CTIF: variants seen among roughly 807,000 people sequenced by gnomAD.
CTIF encodes the protein cap binding complex dependent translation initiation factor.
A neutral mutation model predicts 66.0 loss-of-function variants in CTIF; 21 were observed. That is an observed-to-expected ratio of 0.32 (90% CI 0.23 to 0.46). The LOEUF (loss-of-function observed/expected upper bound fraction) is 0.46. CTIF is among the 20% of genes least tolerant of loss of function. CTIF has a pLI of 1.00. For synonymous variants in CTIF, 345 were observed against 326.4 expected (o/e 1.06, Z -0.62); for missense variants, 739 against 812.7 (o/e 0.91, Z 1.10).
At chr18:48,729,147 T>C (rs1203467599) in intron 7 of CTIF, among the ~76,000 whole-genome samples, 5 of 152,164 alleles carry the variant, frequency 3.3e-5, no homozygotes, top group Non-Finnish European at 5.9e-5. Context: ...AGACGCTTCC[T>C]GCCTGGGGAA....
chr18:48,658,120 ATGTATG>A (rs2091274462), intron 3 of CTIF, among the ~76,000 whole-genome samples: 1 of 152,128 alleles, frequency 6.6e-6, no homozygotes, highest in African/African-American at 2.4e-5. Context: ...CAGCTGACAC[ATGTATG>A]TGTATGTGTG....
chr18:48,589,144 G>C (rs2089836416), intron 1 of CTIF, among the ~76,000 whole-genome samples: 2 of 152,192 alleles, frequency 1.3e-5, no homozygotes, highest in African/African-American at 4.8e-5. Flanking sequence ...AGTTTCCCAG[G>C]ACTATTGTCA....
At chr18:48,807,555 C>T (rs1286742269) in intron 9 of CTIF, among the ~76,000 whole-genome samples, 5 of 102,530 alleles carry the variant, frequency 4.9e-5, no homozygotes, top group African/African-American at 2.0e-4. Context: ...CTATTGTAAA[C>T]GTTTCATAAA....
At chr18:48,717,386 G>T (rs1244892912) in intron 7 of CTIF, among the ~76,000 whole-genome samples, 1 of 150,822 alleles carries the variant, frequency 6.6e-6, no homozygotes, top group African/African-American at 2.4e-5. Flanking sequence ...CAACAAGAGC[G>T]AAAATCTGTC....
At chr18:48,812,271 C>A (rs368363556) in intron 9 of CTIF, among the ~76,000 whole-genome samples, 2 of 152,144 alleles carry the variant, frequency 1.3e-5, no homozygotes, top group African/African-American at 4.8e-5. Flanking sequence ...GCTGGCCATA[C>A]TATTTTTCAT....
chr18:48,547,158 C>T (rs2088771732), intron 1 of CTIF, among the ~76,000 whole-genome samples: 1 of 152,120 alleles, frequency 6.6e-6, no homozygotes, highest in Non-Finnish European at 1.5e-5. Flanking sequence ...TTAAAAGGGC[C>T]TTGGAGACAG....
At chr18:48,827,033 C>A (rs1477779921) in intron 10 of CTIF, among the ~76,000 whole-genome samples, 2 of 151,958 alleles carry the variant, frequency 1.3e-5, no homozygotes, top group Non-Finnish European at 2.9e-5. Context: ...AGCCTTTGAG[C>A]CAAGGCGTGG....
chr18:48,636,564 C>T (rs201345215), intron 2 of CTIF, 50 bp from the exon 3 acceptor site: 147 of 1,359,272 alleles, frequency 1.1e-4, no homozygotes, highest in Non-Finnish European at 1.3e-4. Flanking sequence ...GCAGAGTGAG[C>T]ATGGGCCTGG....
At chr18:48,838,002 G>A (rs545368375) in intron 10 of CTIF, among the ~76,000 whole-genome samples, 2 of 152,164 alleles carry the variant, frequency 1.3e-5, no homozygotes, top group Non-Finnish European at 2.9e-5. Context: ...CTGAGGAAGA[G>A]AGACTTTTAA....
chr18:48,552,823 T>C (rs1599130597), intron 1 of CTIF, among the ~76,000 whole-genome samples: 1 of 152,226 alleles, frequency 6.6e-6, no homozygotes, highest in South Asian at 2.1e-4. Flanking sequence ...CAGGTTCCCC[T>C]GTAGTCCCCT....
intron 10 of CTIF, among the ~76,000 whole-genome samples, chr18:48,823,361 T>C (rs1308317628): frequency 6.6e-6 from 1 of 152,138 alleles, no homozygotes; most frequent in East Asian, 1.9e-4. Flanking sequence ...GAAATAAGAG[T>C]ATAATTTCTT....
At chr18:48,835,565 C>G (rs531646885) in intron 10 of CTIF, among the ~76,000 whole-genome samples, 1 of 152,268 alleles carries the variant, frequency 6.6e-6, no homozygotes, top group East Asian at 1.9e-4. Flanking sequence ...GATCCATGCT[C>G]CCAAGAAAGC....
At chr18:48,601,924 A>G (rs1174300184) in intron 1 of CTIF, among the ~76,000 whole-genome samples, 1 of 152,224 alleles carries the variant, frequency 6.6e-6, no homozygotes, top group Non-Finnish European at 1.5e-5. Flanking sequence ...CTCTGTGGGT[A>G]TGTTTCCTCA....
intron 1 of CTIF, among the ~76,000 whole-genome samples, chr18:48,596,795 G>A (rs2089995643): frequency 6.6e-6 from 1 of 152,122 alleles, no homozygotes; most frequent in Non-Finnish European, 1.5e-5. Context: ...TCCTTTAAAG[G>A]GTTCAGTAAC....
chr18:48,702,554 T>C (rs1411963734), intron 6 of CTIF, among the ~76,000 whole-genome samples: 3 of 152,164 alleles, frequency 2.0e-5, no homozygotes, highest in African/African-American at 7.2e-5. Flanking sequence ...AGGGCACCAA[T>C]GTGTGGCAGG....
At chr18:48,714,277 G>A (rs2092258113) in intron 7 of CTIF, among the ~76,000 whole-genome samples, 1 of 152,134 alleles carries the variant, frequency 6.6e-6, no homozygotes, top group East Asian at 1.9e-4. Context: ...CACTGGGAGG[G>A]GCTTGCATTT....
intron 9 of CTIF, among the ~76,000 whole-genome samples, chr18:48,787,196 C>A (rs541389850): frequency 1.1e-4 from 16 of 151,966 alleles, no homozygotes; most frequent in South Asian, 6.2e-4. Context: ...GCAGTCCTTA[C>A]TATTTGCGAG....
intron 1 of CTIF, among the ~76,000 whole-genome samples, chr18:48,601,841 A>G (rs1221532630): frequency 6.6e-6 from 1 of 152,220 alleles, no homozygotes; most frequent in Non-Finnish European, 1.5e-5. Context: ...GAGAAATAAA[A>G]GACATTGGCA....
At chr18:48,665,562 C>T (rs551326163) in intron 5 of CTIF, among the ~76,000 whole-genome samples, 16 of 152,294 alleles carry the variant, frequency 1.1e-4, no homozygotes, top group Admixed American at 7.8e-4. Context: ...TGTGCAACTA[C>T]CATGTCTATC....
Sources: allele counts gnomAD v4.1 joint callset (sites outside exome capture counted in the v4.1 genomes callset), GRCh38; gene constraint gnomAD v4.1.1; transcripts MANE v1.5; gene names NCBI Gene and HGNC (gene_info 2026-07-23, HGNC 2026-07-21).